IFT70A: variants seen among roughly 807,000 people sequenced by gnomAD.
The protein encoded by IFT70A is intraflagellar transport 70A, also known as intraflagellar transport protein 70A.
the IFT70A span, chr2:177,616,976 T>C: frequency 6.2e-7 from 1 of 1,611,788 alleles, no homozygotes; most frequent in Non-Finnish European, 8.5e-7. Flanking sequence ...CCCAGCTTTT[T>C]ATTATAAGGC....
the IFT70A span, chr2:177,618,639 G>C: frequency 1.9e-6 from 3 of 1,609,386 alleles, no homozygotes; most frequent in Non-Finnish European, 2.5e-6. Context: ...CATCGCGGAT[G>C]AGCCGGTACA....
the IFT70A span, chr2:177,616,646 TA>T: frequency 4.0e-5 from 56 of 1,390,158 alleles, no homozygotes; most frequent in African/African-American, 7.3e-5. Context: ...TAAATACAGA[TA>T]AAAAAAAGTG....
At chr2:177,616,739 C>A in the IFT70A span, 3 of 1,542,014 alleles carry the variant, frequency 1.9e-6, no homozygotes, top group African/African-American at 1.4e-5. Context: ...TAAATCAAAG[C>A]TTTCAATTGT....
the IFT70A span, chr2:177,613,581 G>A: frequency 6.6e-6 from 1 of 152,208 alleles, no homozygotes; most frequent in Non-Finnish European, 1.5e-5. Context: ...TTACTGTTGA[G>A]ACTTAAGATC....
the IFT70A span, chr2:177,613,329 A>G: frequency 6.6e-6 from 1 of 152,246 alleles, no homozygotes; most frequent in Non-Finnish European, 1.5e-5. Flanking sequence ...CCTTCTAATT[A>G]AATATTTTTC....
chr2:177,614,081 C>A, the IFT70A span: 4 of 152,112 alleles, frequency 2.6e-5, no homozygotes, highest in Non-Finnish European at 5.9e-5. Context: ...TGTGGTGGAT[C>A]AATCTTGGCC....
the IFT70A span, chr2:177,617,119 T>C: frequency 6.2e-7 from 1 of 1,609,574 alleles, no homozygotes; most frequent in African/African-American, 1.3e-5. Flanking sequence ...GAGCTGCTCT[T>C]CCTCCTTTTC....
the IFT70A span, chr2:177,617,732 C>T: frequency 6.2e-7 from 1 of 1,614,050 alleles, no homozygotes. Context: ...AACAGGTTGC[C>T]AAAAGTCTCT....
chr2:177,618,695 C>G, the IFT70A span: 1 of 1,568,896 alleles, frequency 6.4e-7, no homozygotes, highest in Non-Finnish European at 8.7e-7. Context: ...CCGCTCAGAC[C>G]AGCCATAACC....
At chr2:177,618,221 C>A in the IFT70A span, 1 of 1,614,234 alleles carries the variant, frequency 6.2e-7, no homozygotes. Context: ...AGCAAACAAC[C>A]CAGGTTGACC....
At chr2:177,614,121 A>C in the IFT70A span, 1 of 152,164 alleles carries the variant, frequency 6.6e-6, no homozygotes, top group Admixed American at 6.5e-5. Flanking sequence ...TTAATTAAAC[A>C]ACCAAAAGAA....
the IFT70A span, chr2:177,616,962 T>C: frequency 6.2e-7 from 1 of 1,608,978 alleles, no homozygotes; most frequent in East Asian, 2.2e-5. Flanking sequence ...ACCAGGTATC[T>C]GTTCCCAGCT....
At chr2:177,614,827 A>G in the IFT70A span, 2 of 152,194 alleles carry the variant, frequency 1.3e-5, no homozygotes, top group Non-Finnish European at 2.9e-5. Context: ...CTATCTCTCA[A>G]GTAGACCCTT....
chr2:177,614,650 C>A, the IFT70A span: 1 of 152,126 alleles, frequency 6.6e-6, no homozygotes, highest in East Asian at 1.9e-4. Flanking sequence ...TGTTATGCAT[C>A]TTTTATACCT....
At chr2:177,616,956 G>A in the IFT70A span, 2 of 1,608,510 alleles carry the variant, frequency 1.2e-6, no homozygotes, top group South Asian at 1.1e-5. Context: ...CATAATACCA[G>A]GTATCTGTTC....
At chr2:177,616,723 A>C in the IFT70A span, 7 of 1,532,924 alleles carry the variant, frequency 4.6e-6, no homozygotes, top group African/African-American at 8.3e-5. Flanking sequence ...CCATCCTATA[A>C]TCTCATAAAT....
the IFT70A span, chr2:177,617,534 G>A: frequency 1.2e-6 from 2 of 1,614,218 alleles, no homozygotes; most frequent in African/African-American, 1.3e-5. Context: ...AGTCTCCGAA[G>A]CTGCTCAGTC....
the IFT70A span, chr2:177,614,124 CA>C: frequency 6.6e-6 from 1 of 152,060 alleles, no homozygotes; most frequent in Non-Finnish European, 1.5e-5. Context: ...ATTAAACAAC[CA>C]AAAGAACCTC....
At chr2:177,618,455 G>C in the IFT70A span, 1 of 1,601,416 alleles carries the variant, frequency 6.2e-7, no homozygotes, top group Non-Finnish European at 8.5e-7. Flanking sequence ...GCCTGGTACA[G>C]GCGGTACTGC....
Sources: gnomAD v4.1 joint callset for allele counts on GRCh38, gnomAD v4.1.1 for gene constraint, MANE v1.5 for transcripts, NCBI Gene and HGNC (gene_info 2026-07-23, HGNC 2026-07-21) for gene names.